Variants in SPTBN1 observed in about 807,000 individuals in gnomAD.
SPTBN1 encodes the protein spectrin beta, non-erythrocytic 1, also known as spectrin beta chain, non-erythrocytic 1.
A neutral mutation model predicts 266.4 loss-of-function variants in SPTBN1; 32 were observed. The observed-to-expected ratio is 0.12, with a 90% CI of 0.09 to 0.16. SPTBN1 has a LOEUF of 0.16. SPTBN1 is among the 10% of genes least tolerant of loss of function. SPTBN1 has a pLI of 1.00. For missense variants in SPTBN1, 2,296 were observed against 3,067.1 expected (o/e 0.75, Z 5.94); for synonymous variants, 1,336 against 1,162.2 (o/e 1.15, Z -3.04).
At chr2:54,623,684 G>A in intron 10 of SPTBN1, 88 bp downstream of exon 10, 6 of 1,068,904 alleles carry the variant, frequency 5.6e-6, no homozygotes, top group Non-Finnish European at 8.2e-6. Context: ...GAGGACAAGA[G>A]ACTGGAAGGG....
Position 54,628,139 on chromosome 2 carries a change from G to A in SPTBN1, c.1687G>A (p.Val563Met). Residue 563 changes from valine (V) to methionine (M), a missense_variant, in exon 13 of 36, where the codon GTG becomes ATG. By Grantham distance (21) the Val-to-Met change is conservative. Transcript: ENST00000356805. The surrounding 1 kb of genome is among the most constrained non-coding windows in gnomAD (Gnocchi z 4.3). ...AGACTATGGCAAACACTTACTTGGTGTGGAAGACCTGTTACAGAAGCACAC... is the reference window on the plus strand; with the variant it reads ...AGACTATGGCAAACACTTACTTGGTATGGAAGACCTGTTACAGAAGCACAC... Reference protein sequence around the residue: ...SQDYGKHLLGVEDLLQKHTLV... With the variant: ...SQDYGKHLLGMEDLLQKHTLV... 6.2e-7 allele frequency: 1 copy of A among 1,614,066 alleles called. No homozygotes were observed. Among genetic ancestry groups the A allele is most frequent in the Non-Finnish European group, 8.5e-7 (1 of 1,179,946 alleles).
At position 54,666,143 on chromosome 2, in the gene SPTBN1, C is replaced by A. The variant is rs908686574; in HGVS notation, c.6833+55C>A. The A allele has an allele frequency of 2.6e-6, 4 of 1,540,090 alleles. No individual in the cohort carries two copies. In the African/African-American group the frequency reaches 4.2e-5, roughly 16 times the overall value. ...GAGTGGGTTTGCATTTACTTCCACT[C>A]TGGGGTTTGGTTTTCTTATACAGCT... On this transcript the variant is annotated intron_variant, in intron 34 of 35. Coordinates refer to ENST00000356805, the MANE Select transcript of SPTBN1 (RefSeq NM_003128.3).
At chr2:54,661,220 T>G in intron 32 of SPTBN1, 6 of 985,832 alleles carry the variant, frequency 6.1e-6, no homozygotes, top group Non-Finnish European at 7.2e-6. Context: ...GAAAATGTTT[T>G]CACAAAAATC....
rs370937194 is a variant in SPTBN1 at position 54,605,353 on chromosome 2, C to T, written c.300+6110C>T. ...CTGTAAAGAGGACGAGCTTTAAGTC[C>T]TGGTTCACCACATCCTAACTAGCTG... is the stretch of plus-strand genomic sequence containing the variant. On this transcript the variant is annotated intron_variant, in intron 3 of 35. Transcript: ENST00000356805. 2.3e-3 allele frequency among the ~76,000 whole-genome samples: 350 copies of T among 152,252 alleles called. 1 individual carries two copies. Among genetic ancestry groups the T allele is most frequent in the Non-Finnish European group, 3.7e-3 (254 of 68,000 alleles).
At chr2:54,457,671 G>GGCC (rs1244589947) in intron 1 of SPTBN1, among the ~76,000 whole-genome samples, 2 of 152,164 alleles carry the variant, frequency 1.3e-5, no homozygotes, top group African/African-American at 4.8e-5. Flanking sequence ...GGCTTGGCAC[G>GGCC]GCCGCTCGGC....
Position 54,629,143 on chromosome 2 carries a change from T to G in SPTBN1, c.2009T>G (p.Leu670Arg). ...ILSSDDYGKD[L>R]TSVMRLLSKH... Reference sequence around the variant, plus strand: ...TCCTCGGACGATTACGGGAAAGACCTGACCAGCGTCATGCGCCTGCTCAGC... The same window carrying G: ...TCCTCGGACGATTACGGGAAAGACCGGACCAGCGTCATGCGCCTGCTCAGC... Residue 670 changes from leucine to arginine, a missense_variant, in exon 14 of 36, where the codon CTG becomes CGG. Transcript: ENST00000356805. The G allele has an allele frequency of 1.2e-6, 2 of 1,613,566 alleles. No homozygotes were observed. Among genetic ancestry groups the G allele is most frequent in the Non-Finnish European group, 1.7e-6 (2 of 1,179,886 alleles).
chr2:54,554,114 G>A lies in SPTBN1; in HGVS notation c.148+27548G>A, dbSNP rs1182654451. 6.6e-6 allele frequency among the ~76,000 whole-genome samples: 1 copy of A among 152,224 alleles called. No homozygotes were observed. Among genetic ancestry groups the A allele is most frequent in the African/African-American group, 2.4e-5 (1 of 41,462 alleles). Reference sequence around the variant, plus strand: ...AAAACTAAATGTTGTAGAGGTTCGTGTAGAGGCCTGCTTGGGTTTTAGGTT... The same window carrying A: ...AAAACTAAATGTTGTAGAGGTTCGTATAGAGGCCTGCTTGGGTTTTAGGTT... On this transcript the variant is annotated intron_variant, in intron 2 of 35. Coordinates refer to ENST00000356805, the MANE Select transcript of SPTBN1 (RefSeq NM_003128.3). The surrounding 1 kb of genome is among the most constrained non-coding windows in gnomAD (Gnocchi z 4.5).
At chr2:54,530,073 A>G (rs983615545) in intron 2 of SPTBN1, among the ~76,000 whole-genome samples, 3 of 152,130 alleles carry the variant, frequency 2.0e-5, no homozygotes, top group Non-Finnish European at 4.4e-5. Context: ...AAAAATGTAC[A>G]TATCACATTT....
chr2:54,493,887 T>C (rs1439936905), intron 1 of SPTBN1, among the ~76,000 whole-genome samples: 1 of 152,216 alleles, frequency 6.6e-6, no homozygotes, highest in East Asian at 1.9e-4. Context: ...AGGGTGTCTA[T>C]CAAAGACAAC....
At chr2:54,581,118 T>C (rs1024259378) in intron 2 of SPTBN1, among the ~76,000 whole-genome samples, 1 of 151,788 alleles carries the variant, frequency 6.6e-6, no homozygotes, top group African/African-American at 2.4e-5. Flanking sequence ...AAAAAATATA[T>C]AAATATATAC....
At chr2:54,471,878 A>T (rs1306305961) in intron 1 of SPTBN1, among the ~76,000 whole-genome samples, 1 of 142,338 alleles carries the variant, frequency 7.0e-6, no homozygotes, top group Admixed American at 7.2e-5. Context: ...AATTCTCTGT[A>T]ACATCTTATG....
At chr2:54,488,124 C>T (rs920526939) in intron 1 of SPTBN1, among the ~76,000 whole-genome samples, 4 of 151,964 alleles carry the variant, frequency 2.6e-5, no homozygotes, top group East Asian at 3.9e-4. Context: ...TCACTGCGCC[C>T]GGCCCATCAT....
Position 54,473,137 on chromosome 2 carries a change from A to G in SPTBN1, c.-48+16619A>G, listed in dbSNP as rs529586340. Among the ~76,000 whole-genome samples, 5 of 152,236 alleles carry G rather than the reference A, an allele frequency of 3.3e-5. No individual in the cohort carries two copies. In the East Asian group the frequency reaches 9.6e-4, roughly 29 times the overall value. ...TGCTTTGTCACTTTCCGTATTTTACATGTATTTTAGAGGTCCTCTCCTTGT... is the reference window on the plus strand; with the variant it reads ...TGCTTTGTCACTTTCCGTATTTTACGTGTATTTTAGAGGTCCTCTCCTTGT... On this transcript the variant is annotated intron_variant, in intron 1 of 35. Coordinates refer to ENST00000356805, the MANE Select transcript of SPTBN1 (RefSeq NM_003128.3).
intron 2 of SPTBN1, among the ~76,000 whole-genome samples, chr2:54,565,136 TC>T (rs1423399094): frequency 6.6e-6 from 1 of 152,174 alleles, no homozygotes; most frequent in African/African-American, 2.4e-5. Context: ...AATAAGTGTT[TC>T]CAGCTACTCT....
chr2:54,592,795 C>G (rs2103623396), intron 2 of SPTBN1, among the ~76,000 whole-genome samples: 1 of 152,252 alleles, frequency 6.6e-6, no homozygotes, highest in South Asian at 2.1e-4. Flanking sequence ...GAAGGTGTAG[C>G]TATGCATCTT....
chr2:54,473,883 G>A (rs2103882997), intron 1 of SPTBN1, among the ~76,000 whole-genome samples: 1 of 152,278 alleles, frequency 6.6e-6, no homozygotes, highest in East Asian at 1.9e-4. Context: ...CAAGCTTATA[G>A]GACTAGGAAC....
At chr2:54,644,197 G>A (rs17521468) in intron 19 of SPTBN1, 126 bp from the exon 20 acceptor site, 50,737 of 1,215,494 alleles carry the variant, frequency 0.042, 1,346 homozygotes, top group Admixed American at 0.11. Context: ...AACTTCATGT[G>A]GAAAGACTGT....
intron 30 of SPTBN1, among the ~76,000 whole-genome samples, chr2:54,658,844 A>G (rs1680848390): frequency 6.6e-6 from 1 of 152,206 alleles, no homozygotes; most frequent in Non-Finnish European, 1.5e-5. Context: ...CCTCAGGCTC[A>G]GGTACTTTTC....
At chr2:54,507,851 AAG>A (rs921687945) in intron 1 of SPTBN1, among the ~76,000 whole-genome samples, 2 of 151,816 alleles carry the variant, frequency 1.3e-5, no homozygotes, top group African/African-American at 4.8e-5. Context: ...TTTTGGAAGA[AAG>A]AGAAATGCAA....
Sources: allele counts gnomAD v4.1 joint callset (sites outside exome capture counted in the v4.1 genomes callset), GRCh38; gene constraint gnomAD v4.1.1; non-coding constraint Gnocchi (gnomAD v3.1); transcripts MANE v1.5; gene names NCBI Gene and HGNC (gene_info 2026-07-23, HGNC 2026-07-21).